Variants in OGFR observed in about 807,000 individuals in gnomAD.
The protein encoded by OGFR is protein 7-60.
A neutral mutation model predicts 33.6 loss-of-function variants in OGFR; 18 were observed. The observed-to-expected ratio is 0.54, with a 90% CI of 0.37 to 0.80. The LOEUF is 0.80. OGFR is among the 30% of genes least tolerant of loss of function. The pLI, the probability that OGFR is intolerant of heterozygous loss-of-function variation, is 0.00. For missense variants in OGFR, 877 were observed against 955.8 expected (o/e 0.92, Z 1.09); for synonymous variants, 370 against 400.7 (o/e 0.92, Z 0.91).
At chr20:62,811,920 C>T (rs923215446) in intron 6 of OGFR, among the ~76,000 whole-genome samples, 1 of 152,194 alleles carries the variant, frequency 6.6e-6, no homozygotes, top group Non-Finnish European at 1.5e-5. Flanking sequence ...GGCGCCTGTA[C>T]CCTGCAGGGG....
chr20:62,807,915 C>A (rs991142488), intron 2 of OGFR: 2 of 599,078 alleles, frequency 3.3e-6, no homozygotes, highest in African/African-American at 1.9e-5. Context: ...AGCACCCCAC[C>A]CCCATGCCAG....
rs572616032 is a variant in OGFR, at chr20:62,812,614, G to A, written c.999G>A (p.Glu333=). ...ASTQGRTCGP[E]HSKGGGRVDE... The stretch of plus-strand genomic sequence containing the variant: ...CCCAGGGTCGGACCTGTGGGCCAGA[G>A]CATAGCAAGGGTGGGGGCAGGGTGG... Residue 333 remains glutamate, a synonymous_variant, in exon 7 of 7, where the codon GAG becomes GAA. Transcript: ENST00000290291. 1.7e-5 allele frequency: 27 copies of A among 1,562,394 alleles called. No individual in the cohort carries two copies. The highest frequency in any genetic ancestry group is 2.2e-5 in the Non-Finnish European group (25 of 1,154,284).
chr20:62,807,413 A>C (rs1990619951), intron 1 of OGFR, 124 bp from the exon 2 acceptor site: 1 of 801,536 alleles, frequency 1.2e-6, no homozygotes, highest in African/African-American at 1.7e-5. Flanking sequence ...GGGAGGAGCC[A>C]TGAAACCCCC....
Position 62,811,406 on chromosome 20 carries a change from T to G in OGFR, c.466-56T>G, listed in dbSNP as rs1990724503. The G allele has an allele frequency of 3.1e-6, 5 of 1,592,914 alleles. No individual in the cohort carries two copies. The Admixed American group carries it at 8.7e-5, about 28-fold the overall frequency. On this transcript the variant is annotated intron_variant, in intron 5 of 6. Coordinates refer to ENST00000290291, the MANE Select transcript of OGFR (RefSeq NM_007346.4). ...TCGGGACCCACGGCCACCCCCACAC[T>G]CAGGAACCGGGGCTTCAGGGATGGT...
rs571511205 is a variant in OGFR, at chr20:62,810,374, C to A, written c.399-125C>A. ...CCCTCGCTCCTCCACCTAGCCACTC[C>A]CTCCTAGAGTTGAGCCTGGGAACCC... is the stretch of plus-strand genomic sequence containing the variant. On this transcript the variant is annotated intron_variant, in intron 4 of 6. Transcript: ENST00000290291. 2.1e-3 allele frequency: 1,774 copies of A among 859,154 alleles called. 28 individuals carry two copies. Among genetic ancestry groups the A allele is most frequent in the South Asian group, 0.019 (1,284 of 69,190 alleles). 53.2% of individuals were successfully genotyped at this position (859,154 alleles called of 1,614,324 possible).
At chr20:62,811,339 ATGTCTGTCTGTC>A (rs962647306) in intron 5 of OGFR, 111 bp from the exon 6 acceptor site, 2 of 1,075,126 alleles carry the variant, frequency 1.9e-6, no homozygotes, top group Non-Finnish European at 2.7e-6. Context: ...CTCTAAATAA[ATGTCTGTCTGTC>A]TGTCTGTCTA....
chr20:62,812,619 G>T lies in OGFR; in HGVS notation c.1004G>T (p.Ser335Ile), dbSNP rs1376292795. The T allele has an allele frequency of 6.4e-7, 1 of 1,561,730 alleles. No individual in the cohort carries two copies. Among genetic ancestry groups the T allele is most frequent in the Non-Finnish European group, 8.7e-7 (1 of 1,154,010 alleles). ...TQGRTCGPEH[S>I]KGGGRVDEGP... is the part of the protein sequence containing the mutation. ...GGTCGGACCTGTGGGCCAGAGCATA[G>T]CAAGGGTGGGGGCAGGGTGGACGAG... is the stretch of plus-strand genomic sequence containing the variant. The change falls in exon 7 of 7, where the codon AGC becomes ATC. Residue 335 changes from serine (S) to isoleucine (I), a missense_variant. Physicochemically the swap from Ser to Ile is moderately radical, Grantham distance 142. Around this residue, in one of 3 missense-constraint regions of OGFR, gnomAD observed 760 missense variants for 736.0 expected, o/e 1.03. Coordinates refer to ENST00000290291, the MANE Select transcript of OGFR (RefSeq NM_007346.4).
intron 1 of OGFR, chr20:62,806,454 C>T (rs7265981): frequency 0.36 from 54,070 of 151,930 alleles, 10,251 homozygotes; most frequent in African/African-American, 0.44. Context: ...GCAGGAGAAT[C>T]GCTTAAACCT....
At chr20:62,810,429 C>A in intron 4 of OGFR, 70 bp from the exon 5 acceptor site, 1 of 1,493,496 alleles carries the variant, frequency 6.7e-7, no homozygotes, top group Non-Finnish European at 9.3e-7. Context: ...CCGGGCTACA[C>A]AGCGAGCACC....
At chr20:62,809,154 C>T (rs1990667311) in intron 3 of OGFR, among the ~76,000 whole-genome samples, 1 of 152,186 alleles carries the variant, frequency 6.6e-6, no homozygotes, top group Non-Finnish European at 1.5e-5. Flanking sequence ...GTCAGGCCCC[C>T]ATCTCAGGAG....
At chr20:62,808,497 A>T (rs1031407940) in intron 3 of OGFR, among the ~76,000 whole-genome samples, 172 bp downstream of exon 3, 80 of 152,018 alleles carry the variant, frequency 5.3e-4, no homozygotes, top group Non-Finnish European at 1.2e-4. Context: ...CCGGCTTGGG[A>T]TCTCCGCAGT....
intron 5 of OGFR, among the ~76,000 whole-genome samples, chr20:62,810,940 C>G (rs1990715279): frequency 6.6e-6 from 1 of 152,238 alleles, no homozygotes; most frequent in Non-Finnish European, 1.5e-5. Context: ...GGGGCCCCTC[C>G]TGGCACTTTC....
chr20:62,812,796 A>G lies in OGFR; in HGVS notation c.1181A>G (p.Gln394Arg). 6.2e-7 allele frequency: 1 copy of G among 1,612,598 alleles called. No individual in the cohort carries two copies. The highest frequency in any genetic ancestry group is 8.5e-7 in the Non-Finnish European group (1 of 1,179,834). The stretch of plus-strand genomic sequence containing the variant: ...AAGCTGGAGCTGAGCCGGCGGGAGC[A>G]GCCGCCCACAGAGCCAGGCCCTCAG... The part of the protein sequence containing the change: ...KRKLELSRRE[Q>R]PPTEPGPQSA... The change falls in exon 7 of 7, where the codon CAG becomes CGG. Residue 394 changes from glutamine to arginine, a missense_variant. Around this residue, in one of 3 missense-constraint regions of OGFR, gnomAD observed 760 missense variants for 736.0 expected, o/e 1.03. Coordinates refer to ENST00000290291, the MANE Select transcript of OGFR (RefSeq NM_007346.4).
chr20:62,811,432 G>T, intron 5 of OGFR, 30 bp from the exon 6 acceptor site: 6 of 1,606,594 alleles, frequency 3.7e-6, no homozygotes, highest in Non-Finnish European at 5.1e-6. Flanking sequence ...CAGGGATGGT[G>T]CCTGAGCTCT....
chr20:62,808,804 T>A (rs1019118890), intron 3 of OGFR, among the ~76,000 whole-genome samples: 1 of 151,724 alleles, frequency 6.6e-6, no homozygotes, highest in Non-Finnish European at 1.5e-5. Context: ...AAACCCTGTC[T>A]CTACTAAAAA....
intron 3 of OGFR, among the ~76,000 whole-genome samples, chr20:62,808,967 T>G (rs1990659994): frequency 1.0e-5 from 1 of 95,326 alleles, no homozygotes; most frequent in Non-Finnish European, 1.8e-5. Context: ...AGAATGAGAC[T>G]CTGTCTCAAA....
Position 62,809,633 on chromosome 20 carries a change from T to G in OGFR, c.368T>G (p.Leu123Arg). 1 of 1,576,546 alleles carries G rather than the reference T, an allele frequency of 6.3e-7. No individual in the cohort carries two copies. Among genetic ancestry groups the G allele is most frequent in the Non-Finnish European group, 8.6e-7 (1 of 1,159,160 alleles). Residue 123 changes from leucine (L) to arginine (R), a missense_variant, in exon 4 of 7, where the codon CTC (leucine) becomes CGC (arginine). Physicochemically the swap from Leu to Arg is moderately radical, Grantham distance 102. Around this residue, in one of 3 missense-constraint regions of OGFR, gnomAD observed 760 missense variants for 736.0 expected, o/e 1.03. Coordinates refer to ENST00000290291, the MANE Select transcript of OGFR (RefSeq NM_007346.4). ...ILQNWTDNYD[L>R]LEDNHSYIQW... is the part of the protein sequence containing the mutation. ...CAGAACTGGACGGACAACTATGACC[T>G]CCTTGAGGACAATCACTCCTACATC... is the stretch of plus-strand genomic sequence containing the variant.
Position 62,812,783 on chromosome 20 carries a change from A to T in OGFR, c.1168A>T (p.Ser390Cys). 1 of 1,612,280 alleles carries T rather than the reference A, an allele frequency of 6.2e-7. No homozygotes were observed. The highest frequency in any genetic ancestry group is 1.1e-5 in the South Asian group (1 of 91,076). Residue 390 changes from serine to cysteine, a missense_variant, in exon 7 of 7, where the codon AGC becomes TGC. This residue lies in a region of OGFR where 760 missense variants were observed against 736.0 expected (regional missense o/e 1.03). Coordinates refer to ENST00000290291, the MANE Select transcript of OGFR (RefSeq NM_007346.4). ...GAGCAAGAAGAGGAAGCTGGAGCTG[A>T]GCCGGCGGGAGCAGCCGCCCACAGA... ...KESKKRKLEL[S>C]RREQPPTEPG...
In OGFR at chr20:62,813,720, G is replaced by A. The variant is rs1343637055; in HGVS notation, c.*71G>A. ...AGGGGCTGGGGCCTCCGGAGCTGCT[G>A]CGGGCTCCCCTCAGGCTCTGCTTCG... On this transcript the variant is annotated 3_prime_UTR_variant, in exon 7 of 7. Transcript: ENST00000290291. The A allele has an allele frequency of 6.4e-7, 1 of 1,556,832 alleles. No individual in the cohort carries two copies. Among genetic ancestry groups the A allele is most frequent in the Non-Finnish European group, 8.8e-7 (1 of 1,132,294 alleles).
Sources: allele counts gnomAD v4.1 joint callset (sites outside exome capture counted in the v4.1 genomes callset), GRCh38; gene constraint gnomAD v4.1.1; regional missense constraint gnomAD v4.1.1; transcripts MANE v1.5; gene names NCBI Gene and HGNC (gene_info 2026-07-23, HGNC 2026-07-21).